MLLT1: variants seen among roughly 807,000 people sequenced by gnomAD.
MLLT1 encodes protein ENL.
MLLT1 carries 11 observed loss-of-function variants against 55.1 expected under a neutral mutation model. That is an observed-to-expected ratio of 0.20 (90% CI 0.13 to 0.33). The LOEUF (loss-of-function observed/expected upper bound fraction) is 0.33. Among genes scored for constraint, MLLT1 ranks in the 10% least tolerant of loss-of-function variants. The probability of loss-of-function intolerance (pLI) is 1.00; values close to 1 mark genes in which losing one functional copy is unlikely to be tolerated. For synonymous variants in MLLT1, 323 were observed against 320.1 expected (o/e 1.01, Z -0.10); for missense variants, 536 against 760.6 (o/e 0.70, Z 3.47).
At chr19:6,220,061 A>C (rs1451611291) in intron 6 of MLLT1, among the ~76,000 whole-genome samples, 1 of 152,206 alleles carries the variant, frequency 6.6e-6, no homozygotes, top group Non-Finnish European at 1.5e-5. Flanking sequence ...GGAGACCCCA[A>C]GGCAGCAGCT....
intron 1 of MLLT1, among the ~76,000 whole-genome samples, chr19:6,276,203 T>C (rs2091427211): frequency 6.6e-6 from 1 of 152,162 alleles, no homozygotes; most frequent in Admixed American, 6.5e-5. Context: ...GCAGGTCAGC[T>C]TTCCAGGGAG....
At chr19:6,217,161 C>T (rs1270108454) in intron 7 of MLLT1, among the ~76,000 whole-genome samples, 6 of 152,120 alleles carry the variant, frequency 3.9e-5, no homozygotes, top group Non-Finnish European at 8.8e-5. Flanking sequence ...ACACTTGGAG[C>T]GAGTGTAGGC....
Position 6,212,266 on chromosome 19 carries a change from C to T in MLLT1, c.*776G>A, listed in dbSNP as rs1414999896. 9.4e-7 allele frequency: 1 copy of T among 1,065,074 alleles called. No homozygotes were observed. Among genetic ancestry groups the T allele is most frequent in the Non-Finnish European group, 1.1e-6 (1 of 879,358 alleles). The allele number at this position is 1,065,074 out of a possible 1,614,324, so 66.0% of individuals were successfully genotyped here. On this transcript the variant is annotated 3_prime_UTR_variant, in exon 12 of 12. Coordinates refer to ENST00000252674, the MANE Select transcript of MLLT1 (RefSeq NM_005934.4). ...AGTGTTGGCTGACCCCCCCGGGAGCCCCGGTAGGAGGCGGCGGCATCCTTG... is the reference window on the plus strand; with the variant it reads ...AGTGTTGGCTGACCCCCCCGGGAGCTCCGGTAGGAGGCGGCGGCATCCTTG...
chr19:6,238,794 G>A (rs1417685731), intron 3 of MLLT1, among the ~76,000 whole-genome samples: 2 of 151,930 alleles, frequency 1.3e-5, no homozygotes, highest in African/African-American at 2.4e-5. Flanking sequence ...AGCAGCAAAC[G>A]CCTTCTCCAC....
At chr19:6,215,871 G>A (rs1341534037) in intron 8 of MLLT1, among the ~76,000 whole-genome samples, 15 of 152,150 alleles carry the variant, frequency 9.9e-5, no homozygotes, top group Admixed American at 7.9e-4. Flanking sequence ...GTGGGGTCAC[G>A]CCAAGGGTCC....
At position 6,231,051 on chromosome 19, in the gene MLLT1, G is replaced by A. The variant is rs1198504241; in HGVS notation, c.277-338C>T. ...CCGACGCACAGACACCAACTAACACGTGGCAGCACTGAGACCTGCCCCAGG... is the reference window on the plus strand; with the variant it reads ...CCGACGCACAGACACCAACTAACACATGGCAGCACTGAGACCTGCCCCAGG... On this transcript the variant is annotated intron_variant, in intron 3 of 11. Transcript: ENST00000252674. This position sits in a 1 kb window ranked among gnomAD's most constrained non-coding sequence, Gnocchi z 5.1. Among the ~76,000 whole-genome samples the A allele has an allele frequency of 1.3e-5, 2 of 152,154 alleles. No homozygotes were observed. The highest frequency in any genetic ancestry group is 6.5e-5 in the Admixed American group (1 of 15,278).
chr19:6,227,038 G>T lies in MLLT1; in HGVS notation c.485C>A (p.Pro162His). The T allele has an allele frequency of 6.2e-7, 1 of 1,607,528 alleles. No individual in the cohort carries two copies. The highest frequency in any genetic ancestry group is 8.5e-7 in the Non-Finnish European group (1 of 1,177,508). The change falls in exon 5 of 12, where the codon CCC becomes CAC. Residue 162 changes from proline (P) to histidine (H), a missense_variant. Pro to His is a moderately conservative substitution (Grantham distance 77). Transcript: ENST00000252674. The surrounding 1 kb of genome is among the most constrained non-coding windows in gnomAD (Gnocchi z 5.1). The stretch of plus-strand genomic sequence containing the variant: ...AGAGAAGGCAGAGAGTGGAATTGTG[G>T]GTAACATGGGGTAGTCGGGACTGGG... ...SRPSPDYPML[P>H]TIPLSAFSDP...
At chr19:6,213,902 C>T (rs2144840920) in intron 9 of MLLT1, 37 bp downstream of exon 9, 1 of 1,491,468 alleles carries the variant, frequency 6.7e-7, no homozygotes, top group Middle Eastern at 1.8e-4. Context: ...TAAGCCCGGC[C>T]TCTGGTGCAC....
In MLLT1 at chr19:6,220,358, C is replaced by T. The variant is rs563370035; in HGVS notation, c.1110+1763G>A. On this transcript the variant is annotated intron_variant, in intron 6 of 11. Transcript: ENST00000252674. ...GCTGTTGGGGCCTGGGTCTCACTCCCGCACAGACCTCGGGGCGCTAAGCCG... is the reference window on the plus strand; with the variant it reads ...GCTGTTGGGGCCTGGGTCTCACTCCTGCACAGACCTCGGGGCGCTAAGCCG... 1.4e-4 allele frequency among the ~76,000 whole-genome samples: 22 copies of T among 152,372 alleles called. No individual in the cohort carries two copies. The South Asian group carries it at 2.1e-3, about 14-fold the overall frequency.
chr19:6,222,573 G>A lies in MLLT1; in HGVS notation c.658C>T (p.Arg220Cys), dbSNP rs1470029751. 2.5e-6 allele frequency: 4 copies of A among 1,600,758 alleles called. No homozygotes were observed. Among genetic ancestry groups the A allele is most frequent in the Non-Finnish European group, 2.5e-6 (3 of 1,179,474 alleles). The change falls in exon 6 of 12, where the codon CGT (arginine) becomes TGT (cysteine). Residue 220 changes from arginine to cysteine, a missense_variant. Arg to Cys is a radical substitution (Grantham distance 180). This residue lies in a region of MLLT1 where 449 missense variants were observed against 489.0 expected (regional missense o/e 0.92). Coordinates refer to ENST00000252674, the MANE Select transcript of MLLT1 (RefSeq NM_005934.4). This position sits in a 1 kb window ranked among gnomAD's most constrained non-coding sequence, Gnocchi z 4.1. ...TCCTTGGAGCTTTTGGCCTGCTCACGCTCCAGCTCCTTGGAGGAGCTCTTG... is the reference window on the plus strand; with the variant it reads ...TCCTTGGAGCTTTTGGCCTGCTCACACTCCAGCTCCTTGGAGGAGCTCTTG... ...ESKSSSKELE[R>C]EQAKSSKDTS...
At chr19:6,272,396 T>C (rs10407907) in intron 1 of MLLT1, among the ~76,000 whole-genome samples, 75,374 of 152,014 alleles carry the variant, frequency 0.5, 19,524 homozygotes, top group African/African-American at 0.59. Context: ...ACAGCCACCC[T>C]ATCTCTCTTC....
Position 6,236,570 on chromosome 19 carries a change from G to A in MLLT1, c.277-5857C>T, listed in dbSNP as rs1294911992. 2.6e-5 allele frequency among the ~76,000 whole-genome samples: 4 copies of A among 152,242 alleles called. No individual in the cohort carries two copies. The East Asian group carries it at 5.8e-4, about 22-fold the overall frequency. On this transcript the variant is annotated intron_variant, in intron 3 of 11. Coordinates refer to ENST00000252674, the MANE Select transcript of MLLT1 (RefSeq NM_005934.4). ...CCCCTGCCGGCCAGGTAGAGGTCAC[G>A]CCCCGAAGCACCCTGCGGCCAGCAC...
intron 2 of MLLT1, among the ~76,000 whole-genome samples, chr19:6,263,702 G>A (rs377034568): frequency 2.5e-4 from 38 of 152,336 alleles, no homozygotes; most frequent in Non-Finnish European, 4.8e-4. Flanking sequence ...GAATAAGGCC[G>A]TGAGAGTGAA....
At position 6,222,401 on chromosome 19, in the gene MLLT1, G is replaced by A; in HGVS notation, c.830C>T (p.Pro277Leu). 1 of 679,522 alleles carries A rather than the reference G, an allele frequency of 1.5e-6. No individual in the cohort carries two copies. The highest frequency in any genetic ancestry group is 1.8e-5 in the South Asian group (1 of 55,106). 42.1% of individuals were successfully genotyped at this position (679,522 alleles called of 1,614,324 possible). ...CTTGCTGGAAGCCCGGGGTGGGGGT[G>A]GGGGTGGGGGTGGGGGCCCACCCTT... is the stretch of plus-strand genomic sequence containing the variant. The part of the protein sequence containing the change: ...SPKGGPPPPP[P>L]PPPRASSKRP... The change falls in exon 6 of 12, where the codon CCA becomes CTA. Residue 277 changes from proline to leucine, a missense_variant. Pro to Leu is a moderately conservative substitution (Grantham distance 98). This residue lies in a region of MLLT1 where 449 missense variants were observed against 489.0 expected (regional missense o/e 0.92). Transcript: ENST00000252674. The surrounding 1 kb of genome is among the most constrained non-coding windows in gnomAD (Gnocchi z 4.1).
intron 3 of MLLT1, among the ~76,000 whole-genome samples, chr19:6,245,986 G>C (rs563238083): frequency 6.6e-6 from 1 of 152,126 alleles, no homozygotes; most frequent in Non-Finnish European, 1.5e-5. Context: ...GCTGAGGCAG[G>C]AGAATCGCTT....
In MLLT1 at chr19:6,229,494, A is replaced by C; in HGVS notation, c.420+1076T>G. Among the ~76,000 whole-genome samples, 1 of 151,278 alleles carries C rather than the reference A, an allele frequency of 6.6e-6. No homozygotes were observed. ...ATCCACTCAGGAGGCGACCCACCCCACCCGCATACCCCACACGTCATACAT... is the reference window on the plus strand; with the variant it reads ...ATCCACTCAGGAGGCGACCCACCCCCCCCGCATACCCCACACGTCATACAT... On this transcript the variant is annotated intron_variant, in intron 4 of 11. Transcript: ENST00000252674. The surrounding 1 kb of genome is among the most constrained non-coding windows in gnomAD (Gnocchi z 5.2).
In MLLT1 at chr19:6,256,641, C is replaced by T. The variant is rs2091258924; in HGVS notation, c.276+5587G>A. 6.6e-6 allele frequency among the ~76,000 whole-genome samples: 1 copy of T among 152,058 alleles called. No individual in the cohort carries two copies. Among genetic ancestry groups the T allele is most frequent in the Non-Finnish European group, 1.5e-5 (1 of 68,018 alleles). On this transcript the variant is annotated intron_variant, in intron 3 of 11. Transcript: ENST00000252674. The surrounding 1 kb of genome is among the most constrained non-coding windows in gnomAD (Gnocchi z 4.1). ...TGGTGGCGGGCACCTGTAGTCCCAG[C>T]TACTCGGGAGGCTGAGGCAGGAGAA...
chr19:6,278,218 CT>C (rs1415929843), intron 1 of MLLT1, among the ~76,000 whole-genome samples: 1 of 152,224 alleles, frequency 6.6e-6, no homozygotes, highest in Non-Finnish European at 1.5e-5. Flanking sequence ...CCTGGTGCCC[CT>C]GAAAGCCAGG....
At chr19:6,217,375 G>T (rs574590091) in intron 7 of MLLT1, among the ~76,000 whole-genome samples, 1 of 152,324 alleles carries the variant, frequency 6.6e-6, no homozygotes, top group East Asian at 1.9e-4. Context: ...TGGGGCCGGG[G>T]GCTCAGGGCA....
Sources: gnomAD v4.1 joint callset for allele counts (sites outside exome capture counted in the v4.1 genomes callset) on GRCh38, gnomAD v4.1.1 for gene constraint, gnomAD v4.1.1 regional missense constraint, Gnocchi (gnomAD v3.1) non-coding constraint, MANE v1.5 for transcripts, NCBI Gene and HGNC (gene_info 2026-07-23, HGNC 2026-07-21) for gene names.